KCNQ1OT1: variants seen among roughly 807,000 people sequenced by gnomAD.
KCNQ1OT1 encodes KCNQ1 opposite strand/antisense transcript 1, also known as KCNQ1 antisense RNA 2 (non-protein coding).
chr11:2,697,735 TG>T (rs2133899867), exon 1 of KCNQ1OT1: 1 of 398,630 alleles, frequency 2.5e-6, no homozygotes, highest in East Asian at 3.6e-5. Context: ...GTTTAAGAAT[TG>T]TTGTTTAATA....
At chr11:2,650,107 A>G (rs1308397571) in exon 1 of KCNQ1OT1, 3 of 398,086 alleles carry the variant, frequency 7.5e-6, no homozygotes, top group Non-Finnish European at 1.3e-5. Context: ...TATTTCATTC[A>G]TTTAATTTAT....
rs1052507232 is a variant in KCNQ1OT1, at chr11:2,612,650, C to T, written n.87345G>A. 7.5e-6 allele frequency: 3 copies of T among 398,394 alleles called. No homozygotes were observed. Among genetic ancestry groups the T allele is most frequent in the East Asian group, 7.1e-5 (2 of 28,066 alleles). 24.7% of individuals were successfully genotyped at this position (398,394 alleles called of 1,614,324 possible). A position where few individuals can be genotyped will look rare whatever the true frequency, so the allele number is the denominator to read the frequency against. ...TGATGAGTCTTTGTCATCACACTTG[C>T]ATTCTTTAATGTGGTTTCTTTTGGT... is the stretch of plus-strand genomic sequence containing the variant. On this transcript the variant is annotated non_coding_transcript_exon_variant, in exon 1 of 1. Coordinates refer to ENST00000597346, the Ensembl canonical transcript of KCNQ1OT1. The surrounding 1 kb of genome is among the most constrained non-coding windows in gnomAD (Gnocchi z 5.5).
exon 1 of KCNQ1OT1, chr11:2,697,669 A>G (rs941521852): frequency 7.5e-6 from 3 of 398,590 alleles, no homozygotes; most frequent in Non-Finnish European, 1.3e-5. Context: ...TGTGAATTAC[A>G]TGGATAAAGT....
rs2133843838 is a variant in KCNQ1OT1, at chr11:2,651,925, C to T, written n.48070G>A. The T allele has an allele frequency of 2.5e-6, 1 of 398,718 alleles. No individual in the cohort carries two copies. The highest frequency in any genetic ancestry group is 1.3e-4 in the South Asian group (1 of 7,860). 24.7% of individuals were successfully genotyped at this position (398,718 alleles called of 1,614,324 possible). A position where few individuals can be genotyped will look rare whatever the true frequency, so the allele number is the denominator to read the frequency against. On this transcript the variant is annotated non_coding_transcript_exon_variant, in exon 1 of 1. Transcript: ENST00000597346. This position sits in a 1 kb window ranked among gnomAD's most constrained non-coding sequence, Gnocchi z 6.1. Reference sequence around the variant, plus strand: ...CCCTCTGGGGCCGCTTGCTCTCCTCCTACTCACAGCCCTCCTGCAGCCAGC... The same window carrying T: ...CCCTCTGGGGCCGCTTGCTCTCCTCTTACTCACAGCCCTCCTGCAGCCAGC...
exon 1 of KCNQ1OT1, chr11:2,650,542 T>G (rs1230439960): frequency 2.5e-6 from 1 of 398,564 alleles, no homozygotes; most frequent in African/African-American, 2.1e-5. Context: ...ATCTGCAAGT[T>G]CATCAGTGGC....
rs1849911065 is a variant in KCNQ1OT1, at chr11:2,659,418, T to C, written n.40577A>G. The stretch of plus-strand genomic sequence containing the variant: ...AAAATGCATTTGAGATTCATCCATG[T>C]TGTTGCATAAATCATTAGTTAATTT... On this transcript the variant is annotated non_coding_transcript_exon_variant, in exon 1 of 1. Coordinates refer to ENST00000597346, the Ensembl canonical transcript of KCNQ1OT1. This position sits in a 1 kb window ranked among gnomAD's most constrained non-coding sequence, Gnocchi z 4.3. 5.0e-6 allele frequency: 2 copies of C among 398,530 alleles called. No individual in the cohort carries two copies. Among genetic ancestry groups the C allele is most frequent in the Non-Finnish European group, 4.4e-6 (1 of 226,056 alleles). 24.7% of individuals were successfully genotyped at this position (398,530 alleles called of 1,614,324 possible). A position where few individuals can be genotyped will look rare whatever the true frequency, so the allele number is the denominator to read the frequency against.
At chr11:2,662,546 G>A in exon 1 of KCNQ1OT1, 1 of 427,630 alleles carries the variant, frequency 2.3e-6, no homozygotes, top group Non-Finnish European at 4.1e-6. Context: ...ACGCCTTCCA[G>A]TTGGCCTTCC....
Position 2,671,311 on chromosome 11 carries a change from T to A in KCNQ1OT1, n.28684A>T. 1 of 398,558 alleles carries A rather than the reference T, an allele frequency of 2.5e-6. No homozygotes were observed. Among genetic ancestry groups the A allele is most frequent in the Non-Finnish European group, 4.4e-6 (1 of 226,058 alleles). The allele number at this position is 398,558 out of a possible 1,614,324, so 24.7% of individuals were successfully genotyped here. ...CTTCTCCATAAGTAATCTTTTCCCA[T>A]GTGTGGCTGCAGCCTCAGAGGCTCC... On this transcript the variant is annotated non_coding_transcript_exon_variant, in exon 1 of 1. Coordinates refer to ENST00000597346, the Ensembl canonical transcript of KCNQ1OT1. The surrounding 1 kb of genome is among the most constrained non-coding windows in gnomAD (Gnocchi z 4.7).
In KCNQ1OT1 at chr11:2,663,105, G is replaced by C; in HGVS notation, n.36890C>G. 1 of 398,668 alleles carries C rather than the reference G, an allele frequency of 2.5e-6. No homozygotes were observed. Among genetic ancestry groups the C allele is most frequent in the Non-Finnish European group, 4.4e-6 (1 of 226,124 alleles). 24.7% of individuals were successfully genotyped at this position (398,668 alleles called of 1,614,324 possible). On this transcript the variant is annotated non_coding_transcript_exon_variant, in exon 1 of 1. Coordinates refer to ENST00000597346, the Ensembl canonical transcript of KCNQ1OT1. The surrounding 1 kb of genome is among the most constrained non-coding windows in gnomAD (Gnocchi z 5.2). ...TGAGGCCACCTCCAGGGAAGGAGTG[G>C]CTATCTTAAGGGGTAATTATGATCA...
exon 1 of KCNQ1OT1, chr11:2,650,590 GA>G: frequency 2.5e-6 from 1 of 398,636 alleles, no homozygotes; most frequent in Non-Finnish European, 4.4e-6. Flanking sequence ...GTGAAGGCAA[GA>G]AGGCTCCTTA....
chr11:2,655,484 C>G (rs1195981832), exon 1 of KCNQ1OT1: 5 of 398,570 alleles, frequency 1.3e-5, no homozygotes, highest in Admixed American at 8.8e-5. Flanking sequence ...TCCTGCAGAG[C>G]CTGGATATCC....
In KCNQ1OT1 at chr11:2,663,685, C is replaced by G. The variant is rs570872672; in HGVS notation, n.36310G>C. On this transcript the variant is annotated non_coding_transcript_exon_variant, in exon 1 of 1. Transcript: ENST00000597346. This position sits in a 1 kb window ranked among gnomAD's most constrained non-coding sequence, Gnocchi z 5.2. ...ATCACCCACAGTCCATCTAGCTGGG[C>G]AGCCAGGCCTTACCAACTCTTGGGT... 1.3e-5 allele frequency: 5 copies of G among 398,716 alleles called. No individual in the cohort carries two copies. The East Asian group carries it at 1.8e-4, about 14-fold the overall frequency. 24.7% of individuals were successfully genotyped at this position (398,716 alleles called of 1,614,324 possible). A position where few individuals can be genotyped will look rare whatever the true frequency, so the allele number is the denominator to read the frequency against.
chr11:2,651,718 C>G lies in KCNQ1OT1; in HGVS notation n.48277G>C, dbSNP rs1055703734. 6 of 398,482 alleles carry G rather than the reference C, an allele frequency of 1.5e-5. No homozygotes were observed. Among genetic ancestry groups the G allele is most frequent in the South Asian group, 1.3e-4 (1 of 7,858 alleles). The allele number at this position is 398,482 out of a possible 1,614,324, so 24.7% of individuals were successfully genotyped here. On this transcript the variant is annotated non_coding_transcript_exon_variant, in exon 1 of 1. Coordinates refer to ENST00000597346, the Ensembl canonical transcript of KCNQ1OT1. The surrounding 1 kb of genome is among the most constrained non-coding windows in gnomAD (Gnocchi z 6.1). ...AATAGGCCATTTCCTAAGTAAGCAT[C>G]ATCCTCATTTCTATACGTTTTCTCT...
At chr11:2,650,241 G>A (rs1247128964) in exon 1 of KCNQ1OT1, 2 of 398,390 alleles carry the variant, frequency 5.0e-6, no homozygotes, top group Non-Finnish European at 4.4e-6. Context: ...ATCTCATTGG[G>A]TTTCCTTAAG....
Position 2,642,784 on chromosome 11 carries a change from T to A in KCNQ1OT1, n.57211A>T, listed in dbSNP as rs1191225961. ...TATTTAAGATCTTTTCTACCTTTTTTAATGGAGGCATTTATTACAATAAAC... is the reference window on the plus strand; with the variant it reads ...TATTTAAGATCTTTTCTACCTTTTTAAATGGAGGCATTTATTACAATAAAC... On this transcript the variant is annotated non_coding_transcript_exon_variant, in exon 1 of 1. Coordinates refer to ENST00000597346, the Ensembl canonical transcript of KCNQ1OT1. The surrounding 1 kb of genome is among the most constrained non-coding windows in gnomAD (Gnocchi z 4.3). The A allele has an allele frequency of 7.5e-6, 3 of 397,786 alleles. No individual in the cohort carries two copies. The East Asian group carries it at 1.1e-4, about 14-fold the overall frequency. The allele number at this position is 397,786 out of a possible 1,614,324, so 24.6% of individuals were successfully genotyped here.
chr11:2,637,149 T>G (rs1849484958), exon 1 of KCNQ1OT1: 1 of 152,192 alleles, frequency 6.6e-6, no homozygotes, highest in South Asian at 2.1e-4. Context: ...GATTCATTGA[T>G]TTTTTGAAGG....
chr11:2,649,642 G>T (rs1451337100), exon 1 of KCNQ1OT1: 1 of 398,398 alleles, frequency 2.5e-6, no homozygotes, highest in African/African-American at 2.1e-5. Context: ...TTCTTTCCTG[G>T]CCTAGAAGGT....
At chr11:2,636,457 C>G (rs933131058) in exon 1 of KCNQ1OT1, 1 of 152,114 alleles carries the variant, frequency 6.6e-6, no homozygotes, top group African/African-American at 2.4e-5. Context: ...TGGTTTTTGT[C>G]TTTGGTTCTG....
chr11:2,657,229 A>C lies in KCNQ1OT1; in HGVS notation n.42766T>G, dbSNP rs767560027. 3.3e-5 allele frequency: 13 copies of C among 398,526 alleles called. No individual in the cohort carries two copies. Among genetic ancestry groups the C allele is most frequent in the African/African-American group, 6.2e-5 (3 of 48,634 alleles). The allele number at this position is 398,526 out of a possible 1,614,324, so 24.7% of individuals were successfully genotyped here. A position where few individuals can be genotyped will look rare whatever the true frequency, so the allele number is the denominator to read the frequency against. On this transcript the variant is annotated non_coding_transcript_exon_variant, in exon 1 of 1. Coordinates refer to ENST00000597346, the Ensembl canonical transcript of KCNQ1OT1. The surrounding 1 kb of genome is among the most constrained non-coding windows in gnomAD (Gnocchi z 4.8). ...TTTTGCACTTCCAAGTCGCAGTTAG[A>C]ATCAGCTTGCCAAAGTTCTCACACA...
Sources: allele counts gnomAD v4.1 joint callset, GRCh38; gene constraint gnomAD v4.1.1; non-coding constraint Gnocchi (gnomAD v3.1); transcripts MANE v1.5; gene names NCBI Gene and HGNC (gene_info 2026-07-23, HGNC 2026-07-21).